The following SWT1 variants were observed in gnomAD, a reference collection of about 807,000 sequenced individuals.
The protein encoded by SWT1 is transcriptional protein SWT1.
A neutral mutation model predicts 107.3 loss-of-function variants in SWT1; 33 were observed. The observed-to-expected ratio is 0.31, with a 90% confidence interval of 0.23 to 0.41. The LOEUF is 0.41. Among genes scored for constraint, SWT1 ranks in the 10% least tolerant of loss-of-function variants. The probability of loss-of-function intolerance (pLI) is 1.00; values close to 1 mark genes in which losing one functional copy is unlikely to be tolerated. For synonymous variants in SWT1, 345 were observed against 348.3 expected, an observed-to-expected ratio of 0.99 and a Z score of 0.11; for missense variants, 898 against 1,028.9, an observed-to-expected ratio of 0.87 and a Z score of 1.74.
chr1:185,189,800 A>C (rs1656791831), intron 9 of SWT1, among the ~76,000 whole-genome samples: 1 of 150,660 alleles, frequency 6.6e-6, no homozygotes, highest in African/African-American at 2.4e-5. Context: ...TATGTACATA[A>C]ATATATATGA....
At chr1:185,253,873 G>A (rs1353876779) in intron 16 of SWT1, among the ~76,000 whole-genome samples, 2 of 151,576 alleles carry the variant, frequency 1.3e-5, no homozygotes, top group Non-Finnish European at 2.9e-5. Flanking sequence ...CAAAGGGAAT[G>A]CTTCCAGTTT....
chr1:185,267,831 A>G (rs1280624736), intron 16 of SWT1, among the ~76,000 whole-genome samples: 1 of 152,222 alleles, frequency 6.6e-6, no homozygotes, highest in Non-Finnish European at 1.5e-5. Context: ...CTTTCATTCA[A>G]AAAGCCTTTT....
At chr1:185,192,717 G>A (rs1471047481) in intron 10 of SWT1, among the ~76,000 whole-genome samples, 1 of 150,116 alleles carries the variant, frequency 6.7e-6, no homozygotes, top group Admixed American at 6.7e-5. Context: ...GCGCCATCTC[G>A]GCTAACTGCA....
At position 185,214,558 on chromosome 1, in the gene SWT1, G is replaced by C. The variant is rs779240164; in HGVS notation, c.2024G>C (p.Arg675Thr). Residue 675 changes from arginine (R) to threonine (T), a missense_variant, in exon 14 of 19, where the codon AGA becomes ACA. By Grantham distance (71) the Arg-to-Thr change is moderately conservative. This residue lies in a region of SWT1 where 382 missense variants were observed against 460.0 expected (regional missense o/e 0.83). Transcript: ENST00000367500. ...TTVKFLLQDS[R>T]SLLHAFSTRS... ...GTCAAATTCTTGCTTCAGGATTCTAGAAGTTTGTTACATGCTTTCAGTACA... is the reference window on the plus strand; with the variant it reads ...GTCAAATTCTTGCTTCAGGATTCTACAAGTTTGTTACATGCTTTCAGTACA... The C allele has an allele frequency of 1.2e-6, 2 of 1,611,436 alleles. No individual in the cohort carries two copies. The highest frequency in any genetic ancestry group is 1.7e-5 in the Admixed American group (1 of 59,636).
chr1:185,274,520 T>C (rs1003159079), intron 17 of SWT1, among the ~76,000 whole-genome samples: 1 of 151,966 alleles, frequency 6.6e-6, no homozygotes, highest in Non-Finnish European at 1.5e-5. Flanking sequence ...AGTTACTACA[T>C]TGGAGATATT....
At chr1:185,266,360 A>G (rs865972054) in intron 16 of SWT1, among the ~76,000 whole-genome samples, 6 of 152,208 alleles carry the variant, frequency 3.9e-5, no homozygotes, top group African/African-American at 7.2e-5. Flanking sequence ...CACCGTGCCC[A>G]GCCTTAGAAT....
At position 185,174,590 on chromosome 1, in the gene SWT1, T is replaced by G; in HGVS notation, c.443T>G (p.Ile148Ser). Residue 148 changes from isoleucine to serine, a missense_variant, in exon 5 of 19, where the codon ATT (isoleucine) becomes AGT (serine). Coordinates refer to ENST00000367500, the MANE Select transcript of SWT1 (RefSeq NM_017673.7). ...GCTGGGAGCAAGCTTGACCATGGAA[T>G]TAAAAGCCTTAGTAGTCCTAAGATT... ...TNAGSKLDHG[I>S]KSLSSPKIAS... 3 of 1,607,496 alleles carry G rather than the reference T, an allele frequency of 1.9e-6. No individual in the cohort carries two copies. The highest frequency in any genetic ancestry group is 2.5e-6 in the Non-Finnish European group (3 of 1,178,430).
At chr1:185,160,438 G>C (rs900794345) in intron 1 of SWT1, among the ~76,000 whole-genome samples, 1 of 152,138 alleles carries the variant, frequency 6.6e-6, no homozygotes, top group Non-Finnish European at 1.5e-5. Flanking sequence ...GCTGGGAGTG[G>C]TCACTCACAC....
intron 16 of SWT1, among the ~76,000 whole-genome samples, chr1:185,266,896 A>G (rs888630805): frequency 6.6e-6 from 1 of 152,226 alleles, no homozygotes; most frequent in South Asian, 2.1e-4. Flanking sequence ...TTGAACGTAC[A>G]TGAAATAATT....
chr1:185,235,618 CA>C (rs1406170915), intron 16 of SWT1, among the ~76,000 whole-genome samples: 1 of 152,064 alleles, frequency 6.6e-6, no homozygotes, highest in Middle Eastern at 3.2e-3. Flanking sequence ...ACTGAATGGG[CA>C]AAAACTGAAA....
chr1:185,246,469 G>C (rs1442996778), intron 16 of SWT1, among the ~76,000 whole-genome samples: 1 of 151,932 alleles, frequency 6.6e-6, no homozygotes, highest in Non-Finnish European at 1.5e-5. Flanking sequence ...TAGAGACCAG[G>C]TCTTGCCATG....
chr1:185,181,192 C>T (rs369239708), intron 6 of SWT1, among the ~76,000 whole-genome samples: 5 of 152,090 alleles, frequency 3.3e-5, no homozygotes, highest in African/African-American at 9.7e-5. Flanking sequence ...TACTGGAGCC[C>T]GGGAGATGGA....
chr1:185,196,376 T>C (rs1042461466), intron 10 of SWT1, among the ~76,000 whole-genome samples: 4 of 152,210 alleles, frequency 2.6e-5, no homozygotes, highest in Non-Finnish European at 5.9e-5. Context: ...CCATACTGTT[T>C]TTGTTACTGT....
In SWT1 at chr1:185,210,287, G is replaced by C. The variant is rs765145178; in HGVS notation, c.1972+3524G>C. ...TTACTTTTGGTGTTTTAGTCATGAA[G>C]TCTTTGCTCATGCCTATGCCCTGAA... On this transcript the variant is annotated intron_variant, in intron 13 of 18. Coordinates refer to ENST00000367500, the MANE Select transcript of SWT1 (RefSeq NM_017673.7). 2.6e-5 allele frequency among the ~76,000 whole-genome samples: 4 copies of C among 152,146 alleles called. No individual in the cohort carries two copies. The South Asian group carries it at 8.3e-4, about 31-fold the overall frequency.
At chr1:185,218,069 T>C (rs145666867) in intron 14 of SWT1, among the ~76,000 whole-genome samples, 3 of 152,364 alleles carry the variant, frequency 2.0e-5, no homozygotes, top group East Asian at 3.9e-4. Context: ...CTTTAAAATA[T>C]ACTTTTAACA....
chr1:185,266,895 C>T (rs1461398957), intron 16 of SWT1, among the ~76,000 whole-genome samples: 8 of 152,132 alleles, frequency 5.3e-5, no homozygotes, highest in African/African-American at 1.9e-4. Flanking sequence ...TTTGAACGTA[C>T]ATGAAATAAT....
At chr1:185,286,543 T>C (rs1664961149) in intron 18 of SWT1, among the ~76,000 whole-genome samples, 1 of 152,098 alleles carries the variant, frequency 6.6e-6, no homozygotes, top group South Asian at 2.1e-4. Flanking sequence ...GTCTTATACC[T>C]CTTTGATTAA....
intron 2 of SWT1, among the ~76,000 whole-genome samples, chr1:185,165,178 G>C (rs1351089033): frequency 1.3e-5 from 2 of 152,136 alleles, no homozygotes; most frequent in Non-Finnish European, 1.5e-5. Context: ...AGTGAAGTTT[G>C]CTGTCTCATA....
At chr1:185,201,981 C>T (rs111545687) in intron 10 of SWT1, among the ~76,000 whole-genome samples, 4 of 151,886 alleles carry the variant, frequency 2.6e-5, no homozygotes, top group South Asian at 2.1e-4. Flanking sequence ...AATTCTCATT[C>T]GTAGTAGGGT....
Sources: gnomAD v4.1 joint callset for allele counts (sites outside exome capture counted in the v4.1 genomes callset) on GRCh38, gnomAD v4.1.1 for gene constraint, gnomAD v4.1.1 regional missense constraint, MANE v1.5 for transcripts, NCBI Gene and HGNC (gene_info 2026-07-23, HGNC 2026-07-21) for gene names.